Variants in HS3ST5 observed in about 807,000 individuals in gnomAD.
HS3ST5 encodes the protein heparan sulfate-glucosamine 3-sulfotransferase 5.
A neutral mutation model predicts 25.4 loss-of-function variants in HS3ST5; 10 were observed. That is an observed-to-expected ratio of 0.39 (90% CI 0.24 to 0.67). The LOEUF (loss-of-function observed/expected upper bound fraction) is 0.67, where lower values mean the gene tolerates loss of function less well. HS3ST5 is among the 30% of genes least tolerant of loss of function. The probability of loss-of-function intolerance (pLI) is 0.44; values close to 1 mark genes in which losing one functional copy is unlikely to be tolerated. For missense variants in HS3ST5, 324 were observed against 420.7 expected (o/e 0.77, Z 2.01); for synonymous variants, 170 against 162.4 (o/e 1.05, Z -0.36).
At chr6:114,332,177 CAGAT>C (rs1262418469) in intron 1 of HS3ST5, among the ~76,000 whole-genome samples, 2 of 152,056 alleles carry the variant, frequency 1.3e-5, no homozygotes, top group Non-Finnish European at 2.9e-5. Context: ...ATCATATTGA[CAGAT>C]GGATGCTTAC....
In HS3ST5 at chr6:114,069,516, ATTTTTTTT is replaced by A. The variant is rs373504728; in HGVS notation, c.-32-6647_-32-6640del. On this transcript the variant is annotated intron_variant, in intron 3 of 4. Transcript: ENST00000312719. The stretch of plus-strand genomic sequence containing the variant: ...GAGCTTTGGATACTTACATGGGAGA[ATTTTTTTT>A]TTTTTTTTTTTTTGAGACGGAGTCT... Among the ~76,000 whole-genome samples, 32 of 130,680 alleles carry A rather than the reference ATTTTTTTT, an allele frequency of 2.4e-4. No individual in the cohort carries two copies. The Admixed American group carries it at 2.5e-3, about 10-fold the overall frequency. The allele number at this position is 130,680 out of a possible 152,430, so 85.7% of individuals were successfully genotyped here.
At chr6:114,071,570 C>T (rs1170526178) in intron 3 of HS3ST5, among the ~76,000 whole-genome samples, 1 of 152,108 alleles carries the variant, frequency 6.6e-6, no homozygotes, top group African/African-American at 2.4e-5. Context: ...TGAGTTATCT[C>T]CAGCATTTAG....
At chr6:114,150,421 A>G (rs541767980) in intron 3 of HS3ST5, among the ~76,000 whole-genome samples, 155 of 152,372 alleles carry the variant, frequency 1.0e-3, no homozygotes, top group African/African-American at 3.6e-3. Flanking sequence ...AAGCAAACGT[A>G]TAGAGGCCCA....
At position 114,089,512 on chromosome 6, in the gene HS3ST5, T is replaced by A. The variant is rs566538696; in HGVS notation, c.-32-26635A>T. Among the ~76,000 whole-genome samples the A allele has an allele frequency of 1.6e-4, 24 of 152,366 alleles. 1 individual carries two copies. The highest frequency in any genetic ancestry group is 5.8e-4 in the African/African-American group (24 of 41,594). On this transcript the variant is annotated intron_variant, in intron 3 of 4. Coordinates refer to ENST00000312719, the MANE Select transcript of HS3ST5 (RefSeq NM_153612.4). Reference sequence around the variant, plus strand: ...TGCTTGATATTTTACAGAGCACCTGTCTTATGTATTCTATATCATCAAATT... The same window carrying A: ...TGCTTGATATTTTACAGAGCACCTGACTTATGTATTCTATATCATCAAATT...
chr6:114,070,868 CTG>C (rs1288046712), intron 3 of HS3ST5, among the ~76,000 whole-genome samples: 2 of 152,210 alleles, frequency 1.3e-5, no homozygotes, highest in Non-Finnish European at 2.9e-5. Flanking sequence ...GTTCAGGCCA[CTG>C]TGTGTTTTAG....
At chr6:114,247,134 G>A (rs906059553) in intron 1 of HS3ST5, among the ~76,000 whole-genome samples, 3 of 152,152 alleles carry the variant, frequency 2.0e-5, no homozygotes, top group African/African-American at 7.2e-5. Context: ...ACTCAACTGT[G>A]GGTTATTGTT....
At chr6:114,180,170 A>G (rs1460499175) in intron 2 of HS3ST5, among the ~76,000 whole-genome samples, 1 of 152,046 alleles carries the variant, frequency 6.6e-6, no homozygotes, top group Non-Finnish European at 1.5e-5. Context: ...TCCAGAAACA[A>G]TACTTTGCAT....
intron 3 of HS3ST5, among the ~76,000 whole-genome samples, chr6:114,100,750 G>T: frequency 6.6e-6 from 1 of 152,142 alleles, no homozygotes; most frequent in Middle Eastern, 3.2e-3. Flanking sequence ...TTCTAAGGGG[G>T]TCAAGAGTCA....
intron 1 of HS3ST5, chr6:114,340,748 A>G (rs114284203): frequency 1.9e-3 from 297 of 152,360 alleles, no homozygotes; most frequent in African/African-American, 6.9e-3. Flanking sequence ...ATCATTTTTG[A>G]TATTCATATT....
At chr6:114,154,739 G>C (rs970917180) in intron 3 of HS3ST5, among the ~76,000 whole-genome samples, 4 of 152,224 alleles carry the variant, frequency 2.6e-5, no homozygotes, top group African/African-American at 9.6e-5. Flanking sequence ...GCAAGTTCCT[G>C]CCTCTGGCAT....
chr6:114,158,512 A>T (rs529986795), intron 3 of HS3ST5, among the ~76,000 whole-genome samples: 1 of 152,260 alleles, frequency 6.6e-6, no homozygotes, highest in African/African-American at 2.4e-5. Flanking sequence ...TCTCACAGTG[A>T]TCTGGGAGGC....
At chr6:114,176,954 C>A (rs933051410) in intron 2 of HS3ST5, among the ~76,000 whole-genome samples, 3 of 152,198 alleles carry the variant, frequency 2.0e-5, no homozygotes, top group African/African-American at 7.2e-5. Context: ...ATTTTAGCAA[C>A]AAACTCCCTA....
At chr6:114,271,596 A>G (rs1480597374) in intron 1 of HS3ST5, among the ~76,000 whole-genome samples, 1 of 152,030 alleles carries the variant, frequency 6.6e-6, no homozygotes, top group Non-Finnish European at 1.5e-5. Context: ...TAGTTTATTT[A>G]TTGCTGACTC....
intron 1 of HS3ST5, among the ~76,000 whole-genome samples, chr6:114,250,715 TAA>T (rs1772621171): frequency 6.6e-6 from 1 of 152,256 alleles, no homozygotes; most frequent in Non-Finnish European, 1.5e-5. Flanking sequence ...CTTTTTTTGT[TAA>T]GTGTTAATAT....
At chr6:114,196,207 G>A (rs1274234514) in intron 2 of HS3ST5, among the ~76,000 whole-genome samples, 3 of 152,092 alleles carry the variant, frequency 2.0e-5, no homozygotes, top group African/African-American at 7.2e-5. Flanking sequence ...AACTCCGGGT[G>A]GTACTTCACA....
chr6:114,078,603 C>T (rs551804629), intron 3 of HS3ST5, among the ~76,000 whole-genome samples: 3 of 152,138 alleles, frequency 2.0e-5, no homozygotes, highest in Non-Finnish European at 4.4e-5. Context: ...ATAAGAGACA[C>T]AAGATATTTT....
chr6:114,090,613 C>G (rs913145397), intron 3 of HS3ST5, among the ~76,000 whole-genome samples: 1 of 152,170 alleles, frequency 6.6e-6, no homozygotes, highest in Admixed American at 6.5e-5. Flanking sequence ...TAAATGTCTG[C>G]TATTCCCTTG....
Position 114,058,053 on chromosome 6 carries a change from C to G in HS3ST5, c.245G>C (p.Arg82Pro). 6.2e-7 allele frequency: 1 copy of G among 1,614,136 alleles called. No individual in the cohort carries two copies. The highest frequency in any genetic ancestry group is 1.7e-5 in the Admixed American group (1 of 60,014). Residue 82 changes from arginine (R) to proline (P), a missense_variant, in exon 5 of 5, where the codon CGC becomes CCC. Coordinates refer to ENST00000312719, the MANE Select transcript of HS3ST5 (RefSeq NM_153612.4). Reference sequence around the variant, plus strand: ...GAGCTGCTGGACCAGGTCATGGAGGCGAACCTGCTCCTTGGAAGCGTTGCC... The same window carrying G: ...GAGCTGCTGGACCAGGTCATGGAGGGGAACCTGCTCCTTGGAAGCGTTGCC... The part of the protein sequence containing the change: ...RKGNASKEQV[R>P]LHDLVQQLPK...
chr6:114,297,611 A>C (rs920238934), intron 1 of HS3ST5, among the ~76,000 whole-genome samples: 2 of 152,218 alleles, frequency 1.3e-5, no homozygotes, highest in African/African-American at 4.8e-5. Context: ...TGTGGCTCTA[A>C]AATTGTATGA....
Sources: allele counts gnomAD v4.1 joint callset (sites outside exome capture counted in the v4.1 genomes callset), GRCh38; gene constraint gnomAD v4.1.1; transcripts MANE v1.5; gene names NCBI Gene and HGNC (gene_info 2026-07-23, HGNC 2026-07-21).